Variants in CNTNAP2 observed in about 807,000 individuals in gnomAD.
CNTNAP2 encodes the protein contactin-associated protein-like 2.
In CNTNAP2, 98 loss-of-function variants were observed where a neutral mutation model predicts 155.2. The ratio of observed to expected loss-of-function variants is 0.63; its 90% CI spans 0.54 to 0.75. The LOEUF (loss-of-function observed/expected upper bound fraction) is 0.75, where lower values mean the gene tolerates loss of function less well. Among genes scored for constraint, CNTNAP2 ranks in the 30% least tolerant of loss-of-function variants. The probability of loss-of-function intolerance (pLI) is 0.00; values close to 1 mark genes in which losing one functional copy is unlikely to be tolerated. For missense variants in CNTNAP2, 1,727 were observed against 1,688.1 expected (o/e 1.02, Z -0.40); for synonymous variants, 651 against 631.2 (o/e 1.03, Z -0.47).
At chr7:148,193,538 G>A (rs2116720656) in intron 18 of CNTNAP2, among the ~76,000 whole-genome samples, 1 of 152,290 alleles carries the variant, frequency 6.6e-6, no homozygotes, top group South Asian at 2.1e-4. Flanking sequence ...TGGGGCCCAT[G>A]AAAGTCATAA....
chr7:148,374,400 A>G (rs1347706963), intron 21 of CNTNAP2, among the ~76,000 whole-genome samples: 1 of 152,202 alleles, frequency 6.6e-6, no homozygotes, highest in Non-Finnish European at 1.5e-5. Flanking sequence ...TGTGAAATGT[A>G]TGAGGTCAAC....
At chr7:148,056,742 A>T (rs1210199223) in intron 15 of CNTNAP2, 1 of 152,184 alleles carries the variant, frequency 6.6e-6, no homozygotes, top group African/African-American at 2.4e-5. Flanking sequence ...AACACAAACA[A>T]CTACTTCGTC....
chr7:146,879,736 G>A (rs1445202354), intron 3 of CNTNAP2, among the ~76,000 whole-genome samples: 1 of 151,998 alleles, frequency 6.6e-6, no homozygotes, highest in Admixed American at 6.6e-5. Flanking sequence ...TGAGCTCACG[G>A]TCAGTGCTCA....
intron 1 of CNTNAP2, among the ~76,000 whole-genome samples, chr7:146,258,591 A>C (rs758841405): frequency 3.9e-4 from 59 of 152,306 alleles, no homozygotes; most frequent in Non-Finnish European, 7.5e-4. Flanking sequence ...CCATATAGTG[A>C]TGGATCAAAT....
rs1447079466 is a variant in CNTNAP2 at position 147,658,113 on chromosome 7, C to T, written c.2098+18807C>T. ...CTACTAAAAAATACAAAAAATTAGC[C>T]GGGCGTAGTGGCGGGCGCCTGTGGT... On this transcript the variant is annotated intron_variant, in intron 13 of 23. Coordinates refer to ENST00000361727, the MANE Select transcript of CNTNAP2 (RefSeq NM_014141.6). Among the ~76,000 whole-genome samples, 3 of 144,074 alleles carry T rather than the reference C, an allele frequency of 2.1e-5. 1 individual carries two copies. The highest frequency in any genetic ancestry group is 1.5e-4 in the Admixed American group (2 of 13,144). 94.5% of individuals were successfully genotyped at this position (144,074 alleles called of 152,430 possible).
At chr7:148,211,507 T>G (rs1795548414) in intron 18 of CNTNAP2, among the ~76,000 whole-genome samples, 1 of 152,224 alleles carries the variant, frequency 6.6e-6, no homozygotes, top group Non-Finnish European at 1.5e-5. Flanking sequence ...TCTCAGCTCC[T>G]TATTTAATGA....
chr7:148,117,935 CAT>C (rs1262668930), intron 15 of CNTNAP2, among the ~76,000 whole-genome samples, 181 bp from the exon 16 acceptor site: 1 of 151,684 alleles, frequency 6.6e-6, no homozygotes, highest in East Asian at 1.9e-4. Context: ...TATAGACACA[CAT>C]ATAACTTTTG....
chr7:147,552,269 AT>A (rs1284136701), intron 11 of CNTNAP2, among the ~76,000 whole-genome samples: 2 of 152,106 alleles, frequency 1.3e-5, no homozygotes, highest in Non-Finnish European at 2.9e-5. Flanking sequence ...TGAAGCTCAC[AT>A]TTTTTAATGG....
chr7:146,957,614 G>A (rs1489696665), intron 3 of CNTNAP2, among the ~76,000 whole-genome samples: 1 of 152,200 alleles, frequency 6.6e-6, no homozygotes, highest in African/African-American at 2.4e-5. Flanking sequence ...GGGAAAAGGA[G>A]AGTGATAGAA....
intron 8 of CNTNAP2, among the ~76,000 whole-genome samples, chr7:147,190,716 C>G (rs1479462799): frequency 6.6e-6 from 1 of 152,148 alleles, no homozygotes. Context: ...GTACTCATCA[C>G]CTTGTCAGTT....
chr7:147,634,180 A>G (rs1795138857), intron 12 of CNTNAP2, among the ~76,000 whole-genome samples: 1 of 152,232 alleles, frequency 6.6e-6, no homozygotes, highest in African/African-American at 2.4e-5. Flanking sequence ...CAGTATTTGC[A>G]ATTGCAACAA....
At chr7:147,929,836 G>A (rs1800465433) in intron 14 of CNTNAP2, among the ~76,000 whole-genome samples, 1 of 152,178 alleles carries the variant, frequency 6.6e-6, no homozygotes, top group South Asian at 2.1e-4. Context: ...CAGGGTTGGT[G>A]GGGGATGGTT....
At chr7:147,528,880 T>TA (rs1799379073) in intron 11 of CNTNAP2, among the ~76,000 whole-genome samples, 1 of 152,156 alleles carries the variant, frequency 6.6e-6, no homozygotes, top group Admixed American at 6.5e-5. Flanking sequence ...TGTGATTTTT[T>TA]AAAATGACAC....
chr7:147,278,149 C>T (rs1804945329), intron 8 of CNTNAP2, among the ~76,000 whole-genome samples: 1 of 150,862 alleles, frequency 6.6e-6, no homozygotes, highest in Non-Finnish European at 1.5e-5. Context: ...AAAAAATAGC[C>T]TCCTACACTT....
chr7:146,446,313 G>A (rs1796401130), intron 1 of CNTNAP2, among the ~76,000 whole-genome samples: 1 of 152,086 alleles, frequency 6.6e-6, no homozygotes, highest in African/African-American at 2.4e-5. Flanking sequence ...CCAATTTAGA[G>A]GATCGTGGCT....
intron 15 of CNTNAP2, among the ~76,000 whole-genome samples, chr7:148,040,388 A>C (rs1802648350): frequency 6.6e-6 from 1 of 152,206 alleles, no homozygotes; most frequent in African/African-American, 2.4e-5. Flanking sequence ...ACTTCATTAC[A>C]TGGCATTTCC....
chr7:146,855,679 G>A (rs1029987161), intron 3 of CNTNAP2, among the ~76,000 whole-genome samples: 2 of 151,570 alleles, frequency 1.3e-5, no homozygotes, highest in Non-Finnish European at 2.9e-5. Flanking sequence ...ACTGTAAATT[G>A]AGCAAATGAG....
intron 1 of CNTNAP2, among the ~76,000 whole-genome samples, chr7:146,200,638 G>T (rs981321046): frequency 6.6e-6 from 1 of 152,084 alleles, no homozygotes; most frequent in Non-Finnish European, 1.5e-5. Flanking sequence ...CAGTATCCAG[G>T]AGAGTAACAT....
chr7:147,297,025 G>A (rs1422889840), intron 8 of CNTNAP2, among the ~76,000 whole-genome samples: 1 of 152,110 alleles, frequency 6.6e-6, no homozygotes, highest in Non-Finnish European at 1.5e-5. Flanking sequence ...AATTACAAAT[G>A]GACTTAGGAT....
Sources: allele counts gnomAD v4.1 joint callset (sites outside exome capture counted in the v4.1 genomes callset), GRCh38; gene constraint gnomAD v4.1.1; transcripts MANE v1.5; gene names NCBI Gene and HGNC (gene_info 2026-07-23, HGNC 2026-07-21).